HEPACAM: variants seen among roughly 807,000 people sequenced by gnomAD.
The protein encoded by HEPACAM is hepatic and glial cell adhesion molecule, also known as hepatocyte cell adhesion molecule.
Under a neutral mutation model 38.3 loss-of-function variants are expected in HEPACAM, and 18 were observed. That is an observed-to-expected ratio of 0.47 (90% confidence interval 0.33 to 0.70). The LOEUF is 0.70. Ranked by LOEUF, HEPACAM falls within the 30% of genes least tolerant of loss-of-function variation. The probability of loss-of-function intolerance (pLI) is 0.03; values close to 1 mark genes in which losing one functional copy is unlikely to be tolerated. For missense variants in HEPACAM, 466 were observed against 563.0 expected, an observed-to-expected ratio of 0.83 and a Z score of 1.74; for synonymous variants, 216 against 243.1, an observed-to-expected ratio of 0.89 and a Z score of 1.04.
rs568541376 is a variant in HEPACAM at position 124,919,664 on chromosome 11, C to G, written c.*1474G>C. 6.9e-7 allele frequency: 1 copy of G among 1,451,982 alleles called. No homozygotes were observed. The highest frequency in any genetic ancestry group is 1.4e-5 in the African/African-American group (1 of 71,540). 89.9% of individuals were successfully genotyped at this position (1,451,982 alleles called of 1,614,324 possible). A position where few individuals can be genotyped will look rare whatever the true frequency, so the allele number is the denominator to read the frequency against. On this transcript the variant is annotated 3_prime_UTR_variant, in exon 7 of 7. Coordinates refer to ENST00000298251, the MANE Select transcript of HEPACAM (RefSeq NM_152722.5). ...CCGAGGGACAGGGAGCTGAGACAGG[C>G]ATGCTGTGGGGTTCAGGGCAGAGGG...
intron 1 of HEPACAM, among the ~76,000 whole-genome samples, chr11:124,925,948 C>T (rs753172508): frequency 6.6e-6 from 1 of 152,166 alleles, no homozygotes; most frequent in East Asian, 1.9e-4. Context: ...CGCCTGTAAT[C>T]GCAGCACTTT....
chr11:124,926,069 G>A (rs1411237093), intron 1 of HEPACAM, among the ~76,000 whole-genome samples: 2 of 152,188 alleles, frequency 1.3e-5, no homozygotes, highest in East Asian at 3.9e-4. Flanking sequence ...AGGCATTGTG[G>A]CATGTGTCTG....
chr11:124,922,711 G>A (rs550737659), intron 5 of HEPACAM, 34 bp downstream of exon 5: 2 of 1,614,192 alleles, frequency 1.2e-6, no homozygotes, highest in South Asian at 1.1e-5. Context: ...TCTGATTGTT[G>A]ATGGGATGGG....
rs1437311930 is a variant in HEPACAM at position 124,923,635 on chromosome 11, C to G, written c.709+94G>C. On this transcript the variant is annotated intron_variant, in intron 3 of 6. Coordinates refer to ENST00000298251, the MANE Select transcript of HEPACAM (RefSeq NM_152722.5). ...GTTGGCCCATCTCTGTTCCCCTCCC[C>G]CCAGTGACATTTCTTTGGGATGTCC... 22 of 1,494,636 alleles carry G rather than the reference C, an allele frequency of 1.5e-5. No individual in the cohort carries two copies. In the Admixed American group the frequency reaches 3.7e-4, roughly 25 times the overall value. The allele number at this position is 1,494,636 out of a possible 1,614,324, so 92.6% of individuals were successfully genotyped here.
intron 4 of HEPACAM, among the ~76,000 whole-genome samples, chr11:124,923,082 G>C (rs1947161271): frequency 2.0e-5 from 3 of 152,138 alleles, no homozygotes; most frequent in Admixed American, 6.5e-5. Flanking sequence ...ATACTTAAAA[G>C]GTAGCAGGCT....
rs1947176242 is a variant in HEPACAM, at chr11:124,924,093, ACACCTTTAACACTACCTTCCAACT to A, written c.428-107_428-84del. The A allele has an allele frequency of 7.9e-7, 1 of 1,261,990 alleles. No individual in the cohort carries two copies. The highest frequency in any genetic ancestry group is 1.5e-5 in the African/African-American group (1 of 67,584). 78.2% of individuals were successfully genotyped at this position (1,261,990 alleles called of 1,614,324 possible). ...CCTTTTTAGCTCCCTGCCTTCCAAC[ACACCTTTAACACTACCTTCCAACT>A]CAATCTGTGGGCTGAGAAGACTTCA... On this transcript the variant is annotated intron_variant, in intron 2 of 6. Transcript: ENST00000298251. This position sits in a 1 kb window ranked among gnomAD's most constrained non-coding sequence, Gnocchi z 4.4.
In HEPACAM at chr11:124,926,398, G is replaced by A. The variant is rs184793468; in HGVS notation, c.86-1329C>T. 2.6e-3 allele frequency among the ~76,000 whole-genome samples: 403 copies of A among 152,272 alleles called. 1 individual carries two copies. The highest frequency in any genetic ancestry group is 4.6e-3 in the Non-Finnish European group (310 of 68,004). On this transcript the variant is annotated intron_variant, in intron 1 of 6. Transcript: ENST00000298251. ...AGCTCAGATTCCCTACAGATAAAAG[G>A]AGTAGTAGGCTAGATGGTCTCATTG...
intron 1 of HEPACAM, among the ~76,000 whole-genome samples, chr11:124,925,418 T>TA (rs1947195701): frequency 6.6e-6 from 1 of 152,228 alleles, no homozygotes; most frequent in African/African-American, 2.4e-5. Flanking sequence ...CCAGACACTT[T>TA]TCTATGTCTT....
chr11:124,929,614 C>A (rs750733896), intron 1 of HEPACAM, among the ~76,000 whole-genome samples: 15 of 152,116 alleles, frequency 9.9e-5, no homozygotes, highest in Non-Finnish European at 2.2e-4. Flanking sequence ...TCCAAGGCAT[C>A]ATAATATAGA....
At chr11:124,930,954 C>T (rs968002589) in intron 1 of HEPACAM, among the ~76,000 whole-genome samples, 3 of 152,088 alleles carry the variant, frequency 2.0e-5, no homozygotes, top group South Asian at 2.1e-4. Flanking sequence ...ATAAAGGACA[C>T]GAAAGTGGTA....
intron 1 of HEPACAM, among the ~76,000 whole-genome samples, chr11:124,934,286 AT>A (rs1453711772): frequency 1.3e-5 from 2 of 151,916 alleles, no homozygotes; most frequent in South Asian, 2.1e-4. Flanking sequence ...CTTTATTATA[AT>A]TTCAGTCCAT....
In HEPACAM at chr11:124,924,610, T is replaced by G. The variant is rs1260142548; in HGVS notation, c.427+118A>C. The G allele has an allele frequency of 1.6e-4, 143 of 894,762 alleles. 1 individual carries two copies. In the South Asian group the frequency reaches 1.8e-3, roughly 11 times the overall value. The allele number at this position is 894,762 out of a possible 1,614,324, so 55.4% of individuals were successfully genotyped here. ...CAACTTCTAATGTCCACTTGCCTCA[T>G]TCTCAGCTCCCAAGTGCCTTTTGGG... On this transcript the variant is annotated intron_variant, in intron 2 of 6. Coordinates refer to ENST00000298251, the MANE Select transcript of HEPACAM (RefSeq NM_152722.5). The surrounding 1 kb of genome is among the most constrained non-coding windows in gnomAD (Gnocchi z 4.4).
At chr11:124,926,267 AC>A (rs1166494284) in intron 1 of HEPACAM, among the ~76,000 whole-genome samples, 1 of 152,244 alleles carries the variant, frequency 6.6e-6, no homozygotes, top group Admixed American at 6.5e-5. Context: ...ATTGGAAAGT[AC>A]AATATGCATA....
At position 124,921,043 on chromosome 11, in the gene HEPACAM, T is replaced by A; in HGVS notation, c.*95A>T. The A allele has an allele frequency of 7.0e-7, 1 of 1,418,704 alleles. No individual in the cohort carries two copies. 87.9% of individuals were successfully genotyped at this position (1,418,704 alleles called of 1,614,324 possible). ...AGCGCCCCCCCGGGACCTCCCCTCGTCCCCAGCGCGCCGCGCCCGGGCTTC... is the reference window on the plus strand; with the variant it reads ...AGCGCCCCCCCGGGACCTCCCCTCGACCCCAGCGCGCCGCGCCCGGGCTTC... On this transcript the variant is annotated 3_prime_UTR_variant, in exon 7 of 7. Coordinates refer to ENST00000298251, the MANE Select transcript of HEPACAM (RefSeq NM_152722.5). This position sits in a 1 kb window ranked among gnomAD's most constrained non-coding sequence, Gnocchi z 4.6.
rs770133218 is a variant in HEPACAM, at chr11:124,923,758, C to T, written c.680G>A (p.Arg227His). Residue 227 changes from arginine (R) to histidine (H), a missense_variant, in exon 3 of 7, where the codon CGC becomes CAC. Physicochemically the swap from Arg to His is conservative, Grantham distance 29. Transcript: ENST00000298251. ...TACGGTGATCTTGACAGGCAGGCTG[C>T]GGCCCTGGCTGATGGGGTTCTCCAC... ...CMVENPISQGRSLPVKITVYR... is the reference protein window; with the variant it reads ...CMVENPISQGHSLPVKITVYR... 74 of 1,614,056 alleles carry T rather than the reference C, an allele frequency of 4.6e-5. No individual in the cohort carries two copies. Among genetic ancestry groups the T allele is most frequent in the Middle Eastern group, 1.6e-4 (1 of 6,084 alleles).
At chr11:124,934,672 C>T (rs1343633016) in intron 1 of HEPACAM, among the ~76,000 whole-genome samples, 1 of 151,942 alleles carries the variant, frequency 6.6e-6, no homozygotes, top group Non-Finnish European at 1.5e-5. Context: ...TTCTGGCTTC[C>T]ACGACTTTGA....
Position 124,933,020 on chromosome 11 carries a change from C to T in HEPACAM, c.85+2902G>A, listed in dbSNP as rs549442514. On this transcript the variant is annotated intron_variant, in intron 1 of 6. Transcript: ENST00000298251. ...GGAATTTATTGGTCCCAGAAGCAAA[C>T]ATTTTCCTAAATAATATATTAGGGA... Among the ~76,000 whole-genome samples, 37 of 152,196 alleles carry T rather than the reference C, an allele frequency of 2.4e-4. No homozygotes were observed. The South Asian group carries it at 7.3e-3, about 30-fold the overall frequency.
chr11:124,931,066 A>G (rs1440365859), intron 1 of HEPACAM, among the ~76,000 whole-genome samples: 1 of 152,248 alleles, frequency 6.6e-6, no homozygotes, highest in Non-Finnish European at 1.5e-5. Flanking sequence ...ATAAAGTGGG[A>G]GGAGATATTT....
At chr11:124,927,510 G>GTTTTTTTTTTTTTTTTTT (rs763291809) in intron 1 of HEPACAM, among the ~76,000 whole-genome samples, 13 of 99,202 alleles carry the variant, frequency 1.3e-4, no homozygotes, top group Non-Finnish European at 1.5e-4. Flanking sequence ...GCCCAGCTAG[G>GTTTTTTTTTTTTTTTTTT]TTTTTTTTTT....
Sources: gnomAD v4.1 joint callset for allele counts (sites outside exome capture counted in the v4.1 genomes callset) on GRCh38, gnomAD v4.1.1 for gene constraint, Gnocchi (gnomAD v3.1) non-coding constraint, MANE v1.5 for transcripts, NCBI Gene and HGNC (gene_info 2026-07-23, HGNC 2026-07-21) for gene names.